The following MYOF variants were observed in gnomAD, a reference collection of about 807,000 sequenced individuals.
MYOF encodes the protein fer-1-like 3, myoferlin.
Under a neutral mutation model 284.2 loss-of-function variants are expected in MYOF, and 244 were observed. The ratio of observed to expected loss-of-function variants is 0.86; its 90% CI spans 0.77 to 0.95. MYOF has a LOEUF of 0.95. MYOF is among the 40% of genes least tolerant of loss of function. The pLI is 0.00. For synonymous variants in MYOF, 904 were observed against 919.7 expected (o/e 0.98, Z 0.31); for missense variants, 2,496 against 2,560.6 (o/e 0.97, Z 0.54).
chr10:93,345,570 G>T (rs1844151006), intron 37 of MYOF, among the ~76,000 whole-genome samples: 1 of 152,128 alleles, frequency 6.6e-6, no homozygotes. Flanking sequence ...TCCAAGATAA[G>T]CTCCCCTGCA....
intron 1 of MYOF, among the ~76,000 whole-genome samples, chr10:93,460,640 G>T (rs1362918079): frequency 6.6e-6 from 1 of 151,690 alleles, no homozygotes; most frequent in Non-Finnish European, 1.5e-5. Flanking sequence ...GGTGGTGGAC[G>T]CCTGCAGTCC....
chr10:93,465,721 G>T (rs1428239917), intron 1 of MYOF, among the ~76,000 whole-genome samples: 1 of 151,856 alleles, frequency 6.6e-6, no homozygotes, highest in East Asian at 1.9e-4. Context: ...TACCATGTTG[G>T]CCAGGCTGGT....
At chr10:93,406,697 C>T (rs1847608628) in intron 7 of MYOF, among the ~76,000 whole-genome samples, 2 of 152,028 alleles carry the variant, frequency 1.3e-5, no homozygotes, top group African/African-American at 4.8e-5. Flanking sequence ...TGCCTGCTGT[C>T]GTCTGCGATT....
rs749082057 is a variant in MYOF at position 93,381,341 on chromosome 10, A to T, written c.1754T>A (p.Met585Lys). Residue 585 changes from methionine to lysine, a missense_variant, in exon 20 of 54, where the codon ATG becomes AAG. By Grantham distance (95) the Met-to-Lys change is moderately conservative (BLOSUM62 -1). This residue lies in a region of MYOF where 2,436 missense variants were observed against 2,480.7 expected (regional missense o/e 0.98). Transcript: ENST00000359263. ...SLSAVFHSATMLQDVGEAIQF... is the reference protein window; with the variant it reads ...SLSAVFHSATKLQDVGEAIQF... The stretch of plus-strand genomic sequence containing the variant: ...AATGGCCTCACCAACATCTTGCAAC[A>T]TGGTGGCTGAATGAAACACGGCAGA... 1.2e-6 allele frequency: 2 copies of T among 1,614,264 alleles called. No homozygotes were observed. Among genetic ancestry groups the T allele is most frequent in the Admixed American group, 3.3e-5 (2 of 60,032 alleles).
At chr10:93,468,178 CT>C (rs1228260136) in intron 1 of MYOF, among the ~76,000 whole-genome samples, 2 of 152,228 alleles carry the variant, frequency 1.3e-5, no homozygotes, top group Non-Finnish European at 2.9e-5. Context: ...GAATATAGGT[CT>C]TCTGGCTCTG....
chr10:93,363,128 T>G (rs772192523), intron 27 of MYOF, among the ~76,000 whole-genome samples: 1 of 152,188 alleles, frequency 6.6e-6, no homozygotes, highest in Non-Finnish European at 1.5e-5. Context: ...TAGATCTATA[T>G]GCATTGACAT....
At chr10:93,468,869 G>A (rs2134376500) in intron 1 of MYOF, among the ~76,000 whole-genome samples, 1 of 152,320 alleles carries the variant, frequency 6.6e-6, no homozygotes, top group African/African-American at 2.4e-5. Context: ...GACAAGGACA[G>A]AGGGTGGAAT....
At chr10:93,427,499 C>T (rs562405144) in intron 4 of MYOF, among the ~76,000 whole-genome samples, 1 of 140,694 alleles carries the variant, frequency 7.1e-6, no homozygotes, top group Admixed American at 7.5e-5. Flanking sequence ...CCACTGCACT[C>T]CAGCCTGCGT....
rs1181434336 is a variant in MYOF at position 93,482,129 on chromosome 10, A to G, written c.66T>C (p.Pro22=). ...IPKTKFGKPD[P]IVSVIFKDEK... ...TACCCTTAAAAATGACAGAAACAAT[A>G]GGATCCGGCTTGCCAAATTTCGTTT... Residue 22 remains proline (P), a synonymous_variant, in exon 1 of 54, where the codon CCT becomes CCC. Transcript: ENST00000359263. 21 of 1,614,018 alleles carry G rather than the reference A, an allele frequency of 1.3e-5. No individual in the cohort carries two copies. Among genetic ancestry groups the G allele is most frequent in the Non-Finnish European group, 1.6e-5 (19 of 1,179,954 alleles).
chr10:93,473,973 G>A (rs1259619665), intron 1 of MYOF, among the ~76,000 whole-genome samples: 3 of 152,142 alleles, frequency 2.0e-5, no homozygotes, highest in Non-Finnish European at 4.4e-5. Flanking sequence ...CTCTTGCTGA[G>A]CTACCCCAAC....
intron 3 of MYOF, among the ~76,000 whole-genome samples, chr10:93,433,827 C>T (rs907217588): frequency 3.9e-5 from 6 of 152,222 alleles, no homozygotes; most frequent in Admixed American, 1.3e-4. Context: ...TAGATGTTAG[C>T]AGCAACTGTA....
At chr10:93,336,481 A>G (rs938857860) in intron 40 of MYOF, among the ~76,000 whole-genome samples, 2 of 152,348 alleles carry the variant, frequency 1.3e-5, no homozygotes, top group East Asian at 3.9e-4. Context: ...CACACAAAAC[A>G]TAAATCATAC....
At chr10:93,429,968 T>A (rs1439790276) in intron 4 of MYOF, among the ~76,000 whole-genome samples, 1 of 151,528 alleles carries the variant, frequency 6.6e-6, no homozygotes. Flanking sequence ...GGAGTCTTGC[T>A]CTGTTGCCCA....
At chr10:93,399,247 A>G (rs772681240) in intron 13 of MYOF, 145 bp downstream of exon 13, 162 of 612,730 alleles carry the variant, frequency 2.6e-4, no homozygotes, top group Non-Finnish European at 6.5e-5. Context: ...GCGTGTTCAG[A>G]CTCAGATAAT....
intron 5 of MYOF, among the ~76,000 whole-genome samples, chr10:93,410,095 C>G (rs1256257923): frequency 6.6e-6 from 1 of 152,202 alleles, no homozygotes; most frequent in Non-Finnish European, 1.5e-5. Flanking sequence ...TCACGGAACA[C>G]TGCAGTCTTG....
chr10:93,404,310 A>C (rs1404556805), intron 7 of MYOF, 91 bp from the exon 8 acceptor site: 1 of 1,325,774 alleles, frequency 7.5e-7, no homozygotes, highest in African/African-American at 1.5e-5. Context: ...CCTCCTAAAA[A>C]ATGCAAAACA....
At chr10:93,400,739 T>C (rs1276162098) in intron 12 of MYOF, among the ~76,000 whole-genome samples, 3 of 152,002 alleles carry the variant, frequency 2.0e-5, no homozygotes, top group Non-Finnish European at 2.9e-5. Flanking sequence ...TTCCTATAAA[T>C]GGAATCACTA....
At chr10:93,466,629 G>A (rs1381715318) in intron 1 of MYOF, among the ~76,000 whole-genome samples, 1 of 152,174 alleles carries the variant, frequency 6.6e-6, no homozygotes, top group Non-Finnish European at 1.5e-5. Context: ...TGGCTTGACT[G>A]CCTTGGTGTT....
rs1355606773 is a variant in MYOF at position 93,306,691 on chromosome 10, T to A, written c.*272A>T. 2.6e-5 allele frequency: 11 copies of A among 415,216 alleles called. No homozygotes were observed. The highest frequency in any genetic ancestry group is 4.2e-5 in the Non-Finnish European group (10 of 236,768). 25.7% of individuals were successfully genotyped at this position (415,216 alleles called of 1,614,324 possible). On this transcript the variant is annotated 3_prime_UTR_variant, in exon 54 of 54. Transcript: ENST00000359263. ...CACATATAAAAAGATGATTTTTAAA[T>A]GGAACCAGCCACCTTGAAAAATATT...
Sources: allele counts gnomAD v4.1 joint callset (sites outside exome capture counted in the v4.1 genomes callset), GRCh38; gene constraint gnomAD v4.1.1; regional missense constraint gnomAD v4.1.1; transcripts MANE v1.5; gene names NCBI Gene and HGNC (gene_info 2026-07-23, HGNC 2026-07-21).